RBFOX1: variants seen among roughly 807,000 people sequenced by gnomAD.
RBFOX1 encodes the protein RNA binding fox-1 homolog 1, also known as RNA binding protein fox-1 homolog 1.
In RBFOX1, 8 loss-of-function variants were observed where a neutral mutation model predicts 57.7. That is an observed-to-expected ratio of 0.14 (90% confidence interval 0.08 to 0.25). RBFOX1 has a LOEUF of 0.25. Among genes scored for constraint, RBFOX1 ranks in the 10% least tolerant of loss-of-function variants. RBFOX1 has a pLI of 1.00. For synonymous variants in RBFOX1, 326 were observed against 222.4 expected, an observed-to-expected ratio of 1.47 and a Z score of -4.15; for missense variants, 611 against 548.5, an observed-to-expected ratio of 1.11 and a Z score of -1.14.
chr16:6,287,622 T>C (rs1241100287), intron 1 of RBFOX1, among the ~76,000 whole-genome samples: 2 of 152,110 alleles, frequency 1.3e-5, no homozygotes, highest in East Asian at 3.9e-4. Flanking sequence ...AAATGTGTAA[T>C]CAGAACAGGA....
At chr16:6,284,643 G>A (rs2076716769) in intron 1 of RBFOX1, among the ~76,000 whole-genome samples, 1 of 152,314 alleles carries the variant, frequency 6.6e-6, no homozygotes, top group East Asian at 1.9e-4. Context: ...CTTACAGAAA[G>A]TGGAGAGGTC....
intron 2 of RBFOX1, among the ~76,000 whole-genome samples, chr16:6,431,585 A>G (rs2795545): frequency 0.39 from 59,703 of 151,770 alleles, 14,942 homozygotes; most frequent in African/African-American, 0.71. Context: ...GATTTGAAGG[A>G]AGGTGAGTAC....
At position 6,344,696 on chromosome 16, in the gene RBFOX1, T is replaced by G. The variant is rs973369367; in HGVS notation, c.-64+27639T>G. On this transcript the variant is annotated intron_variant, in intron 2 of 15. Transcript: ENST00000550418. Reference sequence around the variant, plus strand: ...ACAGGCGTGAGCCACCGAGCCCGGTTTTTTTTTTTTTTTTTTTTTGAGACT... The same window carrying G: ...ACAGGCGTGAGCCACCGAGCCCGGTGTTTTTTTTTTTTTTTTTTTGAGACT... Among the ~76,000 whole-genome samples the G allele has an allele frequency of 3.0e-5, 4 of 132,234 alleles. No homozygotes were observed. In the Admixed American group the frequency reaches 3.0e-4, roughly 10 times the overall value. 86.8% of individuals were successfully genotyped at this position (132,234 alleles called of 152,430 possible). A position where few individuals can be genotyped will look rare whatever the true frequency, so the allele number is the denominator to read the frequency against.
chr16:6,336,442 A>C (rs112157761), intron 2 of RBFOX1, among the ~76,000 whole-genome samples: 1,751 of 151,932 alleles, frequency 0.012, 29 homozygotes, highest in African/African-American at 0.04. Flanking sequence ...TGGCTCTGAG[A>C]AGTCAAGACC....
intron 1 of RBFOX1, among the ~76,000 whole-genome samples, chr16:6,059,627 G>A (rs771914542): frequency 6.6e-6 from 1 of 152,068 alleles, no homozygotes; most frequent in Non-Finnish European, 1.5e-5. Flanking sequence ...ATATATTTTT[G>A]ACACTTGAGG....
At chr16:6,735,645 A>G (rs1452884273) in intron 3 of RBFOX1, among the ~76,000 whole-genome samples, 1 of 152,150 alleles carries the variant, frequency 6.6e-6, no homozygotes, top group Admixed American at 6.5e-5. Context: ...ATCGATCACA[A>G]AATGTTTGGG....
intron 3 of RBFOX1, among the ~76,000 whole-genome samples, chr16:6,992,381 C>G (rs1215818235): frequency 2.0e-5 from 3 of 152,080 alleles, no homozygotes; most frequent in Admixed American, 2.0e-4. Context: ...CCATGCCCAG[C>G]TAATTTTTGT....
At chr16:7,512,389 A>G (rs2075327694) in intron 4 of RBFOX1, among the ~76,000 whole-genome samples, 1 of 152,256 alleles carries the variant, frequency 6.6e-6, no homozygotes, top group African/African-American at 2.4e-5. Context: ...CTCTGGAGCC[A>G]TTTGAAGGTG....
chr16:6,777,957 G>C (rs1265658726), intron 3 of RBFOX1, among the ~76,000 whole-genome samples: 3 of 152,132 alleles, frequency 2.0e-5, no homozygotes, highest in African/African-American at 7.2e-5. Context: ...GGTAATATCT[G>C]AATGTGAGCA....
chr16:7,140,670 G>A (rs948429801), intron 4 of RBFOX1, among the ~76,000 whole-genome samples: 2 of 152,248 alleles, frequency 1.3e-5, no homozygotes, highest in Non-Finnish European at 2.9e-5. Context: ...TGTGTGAAAC[G>A]CTGAAAGCAG....
At chr16:5,427,598 AC>A (rs2067601473) in intron 1 of RBFOX1, among the ~76,000 whole-genome samples, 1 of 143,784 alleles carries the variant, frequency 7.0e-6, no homozygotes, top group Non-Finnish European at 1.5e-5. Flanking sequence ...ACAAAACAAA[AC>A]AAAACAAAAC....
chr16:5,692,360 C>G (rs1041410793), intron 3 of RBFOX1, among the ~76,000 whole-genome samples: 1 of 152,050 alleles, frequency 6.6e-6, no homozygotes, highest in Non-Finnish European at 1.5e-5. Flanking sequence ...GGTCTCTGGC[C>G]AGTAGCCACC....
Position 5,770,551 on chromosome 16 carries a change from C to G in RBFOX1, c.319-96752C>G, listed in dbSNP as rs888279582. Among the ~76,000 whole-genome samples, 5 of 152,198 alleles carry G rather than the reference C, an allele frequency of 3.3e-5. No homozygotes were observed. In the East Asian group the frequency reaches 7.7e-4, roughly 23 times the overall value. ...CTAGCCAACAGTCCACAAGTGCTAT[C>G]TGCCTATGGGGTAGCCCTGCTATTT... On this transcript the variant is annotated intron_variant, in intron 3 of 19. Coordinates refer to the RBFOX1 transcript ENST00000641259.
At chr16:7,394,742 T>C (rs560385467) in intron 4 of RBFOX1, among the ~76,000 whole-genome samples, 2 of 152,302 alleles carry the variant, frequency 1.3e-5, no homozygotes, top group South Asian at 4.2e-4. Context: ...GTTTGAATTC[T>C]CCTTTGTAAT....
At chr16:7,382,348 T>C (rs1248245539) in intron 4 of RBFOX1, among the ~76,000 whole-genome samples, 1 of 152,222 alleles carries the variant, frequency 6.6e-6, no homozygotes, top group Non-Finnish European at 1.5e-5. Flanking sequence ...TTTGGACTTT[T>C]AAAAAATGTG....
At chr16:7,338,380 C>T (rs1324164987) in intron 4 of RBFOX1, among the ~76,000 whole-genome samples, 1 of 151,918 alleles carries the variant, frequency 6.6e-6, no homozygotes, top group Admixed American at 6.6e-5. Flanking sequence ...TTAAAGAAAC[C>T]CTATACTCCA....
At chr16:6,484,426 C>G (rs746605487) in intron 2 of RBFOX1, among the ~76,000 whole-genome samples, 3 of 148,988 alleles carry the variant, frequency 2.0e-5, no homozygotes, top group Non-Finnish European at 4.5e-5. Flanking sequence ...ACTGAACACG[C>G]TTCGACTTGA....
At chr16:7,361,616 AACCAAACACAC>A (rs2097323080) in intron 4 of RBFOX1, among the ~76,000 whole-genome samples, 1 of 152,200 alleles carries the variant, frequency 6.6e-6, no homozygotes, top group African/African-American at 2.4e-5. Flanking sequence ...TAACTAAAGC[AACCAAACACAC>A]ACCAAACAGG....
intron 2 of RBFOX1, among the ~76,000 whole-genome samples, chr16:6,403,607 G>A (rs1281258688): frequency 1.3e-5 from 2 of 151,982 alleles, no homozygotes; most frequent in African/African-American, 4.8e-5. Context: ...CTCCTGTCTT[G>A]ACCTCCCAAA....
Sources: gnomAD v4.1 joint callset for allele counts (sites outside exome capture counted in the v4.1 genomes callset) on GRCh38, gnomAD v4.1.1 for gene constraint, MANE v1.5 for transcripts, NCBI Gene and HGNC (gene_info 2026-07-23, HGNC 2026-07-21) for gene names.